Variants in CSPP1 observed in about 807,000 individuals in gnomAD.
CSPP1 encodes the protein centrosome and spindle pole associated protein 1.
In CSPP1, 126 loss-of-function variants were observed where a neutral mutation model predicts 164.4. That is an observed-to-expected ratio of 0.77 (90% CI 0.66 to 0.89). The LOEUF is 0.89. Ranked by LOEUF, CSPP1 falls within the 40% of genes least tolerant of loss-of-function variation. The probability of loss-of-function intolerance (pLI) is 0.00; values close to 1 mark genes in which losing one functional copy is unlikely to be tolerated. For missense variants in CSPP1, 1,395 were observed against 1,449.8 expected, an observed-to-expected ratio of 0.96 and a Z score of 0.61; for synonymous variants, 472 against 476.7, an observed-to-expected ratio of 0.99 and a Z score of 0.13.
At chr8:67,075,227 G>A (rs555192789) in intron 2 of CSPP1, among the ~76,000 whole-genome samples, 6 of 152,320 alleles carry the variant, frequency 3.9e-5, no homozygotes, top group Non-Finnish European at 5.9e-5. Context: ...TGATTAGAGT[G>A]TTGTGGCACC....
At chr8:67,126,379 G>T (rs1820063793) in intron 15 of CSPP1, among the ~76,000 whole-genome samples, 1 of 152,070 alleles carries the variant, frequency 6.6e-6, no homozygotes, top group Admixed American at 6.5e-5. Flanking sequence ...TCCTCCTTGT[G>T]GTTTGTTGTT....
At chr8:67,190,500 A>C in intron 28 of CSPP1, 150 bp from the exon 29 acceptor site, 1 of 619,824 alleles carries the variant, frequency 1.6e-6, no homozygotes, top group South Asian at 2.0e-5. Flanking sequence ...TAAATTTACT[A>C]AAAAAATCAC....
At chr8:67,083,587 A>T (rs571600286) in intron 3 of CSPP1, 199 of 146,682 alleles carry the variant, frequency 1.4e-3, no homozygotes, top group African/African-American at 4.7e-3. Context: ...ATATATGAAT[A>T]ATAATGTAAA....
At position 67,195,490 on chromosome 8, in the gene CSPP1, C is replaced by T. The variant is rs201142840; in HGVS notation, c.3578C>T (p.Thr1193Met). Residue 1193 changes from threonine to methionine, a missense_variant, in exon 31 of 31, where the codon ACG becomes ATG. By Grantham distance (81) the Thr-to-Met change is moderately conservative. Transcript: ENST00000678616. Reference protein sequence around the residue: ...EPWLRPGTSETLKRFMAEQLN... With the variant: ...EPWLRPGTSEMLKRFMAEQLN... ...TGGCTCCGCCCTGGCACTTCAGAAA[C>T]GCTGAAACGTTTCATGGCAGAGCAG... 1.6e-4 allele frequency: 252 copies of T among 1,614,102 alleles called. No homozygotes were observed. Among genetic ancestry groups the T allele is most frequent in the Middle Eastern group, 3.3e-4 (2 of 6,072 alleles).
intron 24 of CSPP1, among the ~76,000 whole-genome samples, chr8:67,171,242 T>C (rs1054078147): frequency 2.6e-5 from 4 of 151,192 alleles, no homozygotes; most frequent in Non-Finnish European, 4.4e-5. Context: ...TTACTAAAAA[T>C]ACAGAAAAAT....
intron 13 of CSPP1, among the ~76,000 whole-genome samples, chr8:67,117,778 A>T (rs537838409): frequency 6.6e-6 from 1 of 152,046 alleles, no homozygotes; most frequent in Non-Finnish European, 1.5e-5. Context: ...AAAGCCTTAC[A>T]TGTGCTTTCT....
At chr8:67,169,556 C>T (rs1044961854) in intron 24 of CSPP1, among the ~76,000 whole-genome samples, 8 of 152,118 alleles carry the variant, frequency 5.3e-5, no homozygotes, top group African/African-American at 1.7e-4. Flanking sequence ...TCTCCTGCCT[C>T]AGCCTCCTGA....
chr8:67,103,042 A>C lies in CSPP1; in HGVS notation c.929A>C (p.His310Pro). 1.9e-6 allele frequency: 3 copies of C among 1,600,266 alleles called. No individual in the cohort carries two copies. The highest frequency in any genetic ancestry group is 2.6e-6 in the Non-Finnish European group (3 of 1,167,512). Reference protein sequence around the residue: ...LSRVYTNDRMHRNKRGNMPPM... With the variant: ...LSRVYTNDRMPRNKRGNMPPM... ...TAAGCTAATGTGTTTTTAAGGATGC[A>C]CAGGAACAAACGAGGGAATATGCCT... The change falls in exon 8 of 31, where the codon CAC becomes CCC. Residue 310 changes from histidine to proline, a missense_variant. His to Pro is a moderately conservative substitution (Grantham distance 77). Coordinates refer to ENST00000678616, the MANE Select transcript of CSPP1 (RefSeq NM_001382391.1).
chr8:67,137,036 C>CA (rs1031559424), intron 16 of CSPP1, among the ~76,000 whole-genome samples: 2 of 151,996 alleles, frequency 1.3e-5, no homozygotes, highest in Non-Finnish European at 2.9e-5. Flanking sequence ...AGCTGAAGTA[C>CA]AGTGGCATGA....
In CSPP1 at chr8:67,195,434, T is replaced by C; in HGVS notation, c.3522T>C (p.Asp1174=). ...ATGACATCATGAAACACATAGGGGA[T>C]GACGGATCAAACTCTGTAGCAACTG... The part of the protein sequence containing the change: ...DPDDIMKHIG[D]DGSNSVATEP... The change falls in exon 31 of 31, where the codon GAT becomes GAC. Residue 1174 remains aspartate, a synonymous_variant. Transcript: ENST00000678616. 2 of 1,614,238 alleles carry C rather than the reference T, an allele frequency of 1.2e-6. No individual in the cohort carries two copies. The highest frequency in any genetic ancestry group is 1.7e-6 in the Non-Finnish European group (2 of 1,180,040).
At chr8:67,097,474 G>A in intron 7 of CSPP1, among the ~76,000 whole-genome samples, 1 of 152,022 alleles carries the variant, frequency 6.6e-6, no homozygotes. Flanking sequence ...ATCCTATAAT[G>A]TTATATTTGA....
At chr8:67,148,012 C>T (rs554966566) in intron 17 of CSPP1, among the ~76,000 whole-genome samples, 14 of 151,888 alleles carry the variant, frequency 9.2e-5, no homozygotes, top group Admixed American at 1.3e-4. Context: ...TGCACCCCCC[C>T]GGCTTAAGTG....
intron 1 of CSPP1, among the ~76,000 whole-genome samples, chr8:67,073,623 G>T (rs191114081): frequency 2.7e-3 from 413 of 152,244 alleles, no homozygotes; most frequent in Middle Eastern, 0.014. Context: ...AAAAATCAGT[G>T]TTACAAAAGT....
At chr8:67,166,572 T>G (rs1478594325) in intron 24 of CSPP1, among the ~76,000 whole-genome samples, 1 of 152,170 alleles carries the variant, frequency 6.6e-6, no homozygotes, top group Non-Finnish European at 1.5e-5. Context: ...AGGTGGTAAT[T>G]TTCAGTGATT....
At position 67,137,611 on chromosome 8, in the gene CSPP1, A is replaced by G; in HGVS notation, c.1975+8A>G. On this transcript the variant is annotated splice_region_variant and intron_variant, in intron 17 of 30. Transcript: ENST00000678616. The stretch of plus-strand genomic sequence containing the variant: ...CAAAAGGAAATCTGATAAGTACGTT[A>G]TTTCTACTGACTTGTTTTTAAAATA... The G allele has an allele frequency of 2.7e-6, 4 of 1,506,614 alleles. No homozygotes were observed. Among genetic ancestry groups the G allele is most frequent in the Non-Finnish European group, 3.5e-6 (4 of 1,128,602 alleles). The allele number at this position is 1,506,614 out of a possible 1,614,324, so 93.3% of individuals were successfully genotyped here. A position where few individuals can be genotyped will look rare whatever the true frequency, so the allele number is the denominator to read the frequency against.
intron 3 of CSPP1, among the ~76,000 whole-genome samples, chr8:67,077,132 G>T (rs1335705843): frequency 6.6e-6 from 1 of 151,952 alleles, no homozygotes; most frequent in African/African-American, 2.4e-5. Context: ...GAAAATGTAT[G>T]AATATGTAAA....
chr8:67,074,223 A>T lies in CSPP1; in HGVS notation c.-10-20A>T. Reference sequence around the variant, plus strand: ...AAAATACTGTGATATAGATACGCTCACTGAAATTTTTTTTTAAAGAATCTG... The same window carrying T: ...AAAATACTGTGATATAGATACGCTCTCTGAAATTTTTTTTTAAAGAATCTG... On this transcript the variant is annotated intron_variant, in intron 1 of 30. Transcript: ENST00000678616. The T allele has an allele frequency of 1.4e-6, 2 of 1,446,350 alleles. No individual in the cohort carries two copies. Among genetic ancestry groups the T allele is most frequent in the South Asian group, 1.2e-5 (1 of 85,874 alleles). The allele number at this position is 1,446,350 out of a possible 1,614,324, so 89.6% of individuals were successfully genotyped here. A position where few individuals can be genotyped will look rare whatever the true frequency, so the allele number is the denominator to read the frequency against.
In CSPP1 at chr8:67,170,777, C is replaced by T. The variant is rs189392864; in HGVS notation, c.2829-1639C>T. Among the ~76,000 whole-genome samples the T allele has an allele frequency of 8.6e-5, 13 of 152,008 alleles. No homozygotes were observed. The East Asian group carries it at 1.8e-3, about 21-fold the overall frequency. On this transcript the variant is annotated intron_variant, in intron 24 of 30. Coordinates refer to ENST00000678616, the MANE Select transcript of CSPP1 (RefSeq NM_001382391.1). Reference sequence around the variant, plus strand: ...AAAGGATGGAACTAATAGAGCTGTTCGAATAATTTATTTATTTATTTATTT... The same window carrying T: ...AAAGGATGGAACTAATAGAGCTGTTTGAATAATTTATTTATTTATTTATTT...
At chr8:67,124,057 G>T (rs1275092971) in intron 15 of CSPP1, among the ~76,000 whole-genome samples, 2 of 151,292 alleles carry the variant, frequency 1.3e-5, no homozygotes, top group African/African-American at 2.4e-5. Flanking sequence ...CCGCCACCAC[G>T]CCTGGCTAAT....
Sources: allele counts gnomAD v4.1 joint callset (sites outside exome capture counted in the v4.1 genomes callset), GRCh38; gene constraint gnomAD v4.1.1; transcripts MANE v1.5; gene names NCBI Gene and HGNC (gene_info 2026-07-23, HGNC 2026-07-21).